NOSTRIN: variants seen among roughly 807,000 people sequenced by gnomAD.
NOSTRIN encodes the protein BM247 homolog.
A neutral mutation model predicts 59.0 loss-of-function variants in NOSTRIN; 63 were observed. That is an observed-to-expected ratio of 1.07 (90% confidence interval 0.87 to 1.32). The LOEUF (loss-of-function observed/expected upper bound fraction) is 1.32, where lower values mean the gene tolerates loss of function less well. Among genes scored for constraint, NOSTRIN ranks in the 40% most tolerant of loss-of-function variants. The probability of loss-of-function intolerance (pLI) is 0.00; values close to 1 mark genes in which losing one functional copy is unlikely to be tolerated. For missense variants in NOSTRIN, 512 were observed against 473.1 expected (o/e 1.08, Z -0.76); for synonymous variants, 200 against 165.4 (o/e 1.21, Z -1.61).
At chr2:168,861,765 C>A (rs75738465) in intron 14 of NOSTRIN, among the ~76,000 whole-genome samples, 195 bp from the exon 15 acceptor site, 1 of 152,108 alleles carries the variant, frequency 6.6e-6, no homozygotes, top group Non-Finnish European at 1.5e-5. Context: ...CATATGCAGT[C>A]CATACATATA....
intron 6 of NOSTRIN, 122 bp from the exon 7 acceptor site, chr2:168,834,105 G>A (rs1169380565): frequency 1.7e-6 from 1 of 600,892 alleles, no homozygotes; most frequent in Non-Finnish European, 3.0e-6. Context: ...GCCTTTGGAG[G>A]ATTCTAGGAT....
chr2:168,859,227 A>G (rs1689294302), intron 12 of NOSTRIN: 4 of 272,954 alleles, frequency 1.5e-5, no homozygotes, highest in South Asian at 1.8e-4. Flanking sequence ...CAGAAAATTG[A>G]GTAAAACCTC....
intron 2 of NOSTRIN, among the ~76,000 whole-genome samples, chr2:168,824,087 C>CA (rs1309747771): frequency 7.9e-5 from 12 of 151,850 alleles, no homozygotes; most frequent in Non-Finnish European, 1.2e-4. Flanking sequence ...AAACAAAAAA[C>CA]AAAAAAACAA....
chr2:168,803,285 C>T (rs542305153), intron 1 of NOSTRIN, among the ~76,000 whole-genome samples: 6 of 151,930 alleles, frequency 3.9e-5, no homozygotes, highest in Non-Finnish European at 8.8e-5. Context: ...AGGTCTCCGG[C>T]GGCAATAGCA....
chr2:168,803,930 C>T (rs1685719004), intron 1 of NOSTRIN, among the ~76,000 whole-genome samples: 1 of 152,118 alleles, frequency 6.6e-6, no homozygotes. Flanking sequence ...CTCAACACTC[C>T]TACCTCAATG....
chr2:168,792,685 T>A (rs959848758), intron 2 of NOSTRIN, among the ~76,000 whole-genome samples: 1 of 152,126 alleles, frequency 6.6e-6, no homozygotes, highest in African/African-American at 2.4e-5. Flanking sequence ...TTCGCCATGT[T>A]GCTCAGGCTA....
chr2:168,850,719 C>G (rs1184228643), intron 8 of NOSTRIN: 2 of 657,286 alleles, frequency 3.0e-6, no homozygotes, highest in East Asian at 5.4e-5. Flanking sequence ...TCAAGGCCAG[C>G]CTGCCCAACA....
intron 2 of NOSTRIN, among the ~76,000 whole-genome samples, chr2:168,813,237 G>T (rs989512173): frequency 6.6e-6 from 1 of 152,188 alleles, no homozygotes; most frequent in Non-Finnish European, 1.5e-5. Flanking sequence ...AGAGCAGGAA[G>T]AATCTATGCA....
chr2:168,797,072 C>CTTTTT (rs1168296049), upstream of NOSTRIN, among the ~76,000 whole-genome samples: 2 of 85,348 alleles, frequency 2.3e-5, no homozygotes, highest in Admixed American at 1.6e-4. Context: ...CTTTCTTTTT[C>CTTTTT]TTTTTTCTTT....
chr2:168,806,909 C>T lies in NOSTRIN; in HGVS notation c.27+4236C>T, dbSNP rs192083016. Among the ~76,000 whole-genome samples, 270 of 152,248 alleles carry T rather than the reference C, an allele frequency of 1.8e-3. 1 individual carries two copies. Among genetic ancestry groups the T allele is most frequent in the African/African-American group, 6.2e-3 (258 of 41,550 alleles). ...ACATCAAGAAGCCAGCTGTATTGCA[C>T]ATAACACTTAAAGGCTACTATAACT... is the stretch of plus-strand genomic sequence containing the variant. On this transcript the variant is annotated intron_variant, in intron 1 of 15. Coordinates refer to ENST00000317647, the MANE Select transcript of NOSTRIN (RefSeq NM_001039724.4).
At chr2:168,862,433 C>T (rs931494213) in intron 15 of NOSTRIN, among the ~76,000 whole-genome samples, 3 of 152,196 alleles carry the variant, frequency 2.0e-5, no homozygotes, top group Admixed American at 6.5e-5. Flanking sequence ...TCACAGTGCA[C>T]ACTAGGGTAG....
At chr2:168,834,429 G>A in intron 7 of NOSTRIN, 104 bp downstream of exon 7, 1 of 586,762 alleles carries the variant, frequency 1.7e-6, no homozygotes, top group Non-Finnish European at 3.2e-6. Context: ...CTTCTCTGTG[G>A]GATTCCTGCA....
At chr2:168,831,288 A>C (rs1385515668) in intron 5 of NOSTRIN, among the ~76,000 whole-genome samples, 184 bp from the exon 6 acceptor site, 2 of 152,084 alleles carry the variant, frequency 1.3e-5, no homozygotes, top group Non-Finnish European at 2.9e-5. Context: ...TAAGGGCACT[A>C]ATCTCATTCA....
chr2:168,803,910 C>T (rs1244460803), intron 1 of NOSTRIN, among the ~76,000 whole-genome samples: 3 of 152,096 alleles, frequency 2.0e-5, no homozygotes, highest in Non-Finnish European at 4.4e-5. Context: ...ACTGTTAAAT[C>T]CTCTCCTGTC....
At chr2:168,828,324 TC>T (rs1298348235) in intron 4 of NOSTRIN, 95 bp from the exon 5 acceptor site, 2 of 864,834 alleles carry the variant, frequency 2.3e-6, no homozygotes, top group Non-Finnish European at 4.0e-6. Flanking sequence ...GAATAGGTGT[TC>T]CATAACACAC....
rs369296324 is a variant in NOSTRIN, at chr2:168,851,329, T to C, written c.780T>C (p.Asp260=). 4 of 1,613,916 alleles carry C rather than the reference T, an allele frequency of 2.5e-6. No homozygotes were observed. In the East Asian group the frequency reaches 6.7e-5, roughly 27 times the overall value. ...CAISKIDIEK[D]IQAVMEETAI... The stretch of plus-strand genomic sequence containing the variant: ...TCAGCAAGATTGACATTGAAAAAGA[T>C]ATCCAGGCTGTAATGGAAGAAACTG... The change falls in exon 10 of 16, where the codon GAT becomes GAC. Residue 260 remains aspartate (D), a synonymous_variant. Coordinates refer to ENST00000317647, the MANE Select transcript of NOSTRIN (RefSeq NM_001039724.4).
chr2:168,814,003 C>T (rs2105562298), intron 2 of NOSTRIN, among the ~76,000 whole-genome samples: 1 of 152,274 alleles, frequency 6.6e-6, no homozygotes, highest in Non-Finnish European at 1.5e-5. Context: ...TCCCCTTGCT[C>T]AGCTTTTAGA....
At chr2:168,810,578 A>G (rs1163518593) in intron 1 of NOSTRIN, among the ~76,000 whole-genome samples, 2 of 152,158 alleles carry the variant, frequency 1.3e-5, no homozygotes, top group East Asian at 1.9e-4. Flanking sequence ...CCTTCTCAAT[A>G]TGGTGCCCAA....
At position 168,855,432 on chromosome 2, in the gene NOSTRIN, C is replaced by G; in HGVS notation, c.936C>G (p.Asp312Glu). The G allele has an allele frequency of 6.2e-7, 1 of 1,609,120 alleles. No individual in the cohort carries two copies. Among genetic ancestry groups the G allele is most frequent in the South Asian group, 1.1e-5 (1 of 90,788 alleles). ...CAAAATTATTGAGACTGCAGAGAGA[C>G]ATTGAAAAAGCCTCAAAAGACAAGG... ...LKPKLLRLQR[D>E]IEKASKDKEG... The change falls in exon 11 of 16, where the codon GAC becomes GAG. Residue 312 changes from aspartate to glutamate, a missense_variant. Asp to Glu is a conservative substitution (Grantham distance 45). Transcript: ENST00000317647.
Sources: allele counts gnomAD v4.1 joint callset (sites outside exome capture counted in the v4.1 genomes callset), GRCh38; gene constraint gnomAD v4.1.1; transcripts MANE v1.5; gene names NCBI Gene and HGNC (gene_info 2026-07-23, HGNC 2026-07-21).